Variants in TMEM135 observed in about 807,000 individuals in gnomAD.
TMEM135 encodes transmembrane protein 135, also known as peroxisomal membrane protein 52.
Under a neutral mutation model 60.3 loss-of-function variants are expected in TMEM135, and 30 were observed. The observed-to-expected ratio is 0.50, with a 90% CI of 0.37 to 0.68. The LOEUF (loss-of-function observed/expected upper bound fraction) is 0.68, where lower values mean the gene tolerates loss of function less well. Ranked by LOEUF, TMEM135 falls within the 30% of genes least tolerant of loss-of-function variation. The pLI is 0.00. For missense variants in TMEM135, 468 were observed against 548.8 expected (o/e 0.85, Z 1.47); for synonymous variants, 190 against 186.7 (o/e 1.02, Z -0.14).
chr11:87,270,873 A>C (rs1467913158), intron 6 of TMEM135, among the ~76,000 whole-genome samples: 1 of 152,182 alleles, frequency 6.6e-6, no homozygotes, highest in African/African-American at 2.4e-5. Flanking sequence ...ATAATGCATA[A>C]ATTTAAAAAA....
At chr11:87,278,741 CTA>C (rs1942009435) in intron 6 of TMEM135, among the ~76,000 whole-genome samples, 1 of 152,122 alleles carries the variant, frequency 6.6e-6, no homozygotes, top group Non-Finnish European at 1.5e-5. Flanking sequence ...AGAGTATACT[CTA>C]TGAGTTCTAT....
intron 5 of TMEM135, among the ~76,000 whole-genome samples, chr11:87,180,205 C>T (rs146975012): frequency 1.3e-5 from 2 of 152,112 alleles, no homozygotes; most frequent in East Asian, 3.9e-4. Context: ...GAGGCCGTTC[C>T]CCTGCAATGG....
At chr11:87,120,633 A>G (rs1858031133) in intron 4 of TMEM135, among the ~76,000 whole-genome samples, 1 of 151,518 alleles carries the variant, frequency 6.6e-6, no homozygotes, top group Non-Finnish European at 1.5e-5. Context: ...GTGCCCAGAT[A>G]ATTTTTGTAT....
intron 7 of TMEM135, among the ~76,000 whole-genome samples, chr11:87,297,281 A>G (rs1453810544): frequency 1.3e-5 from 2 of 152,186 alleles, no homozygotes; most frequent in African/African-American, 2.4e-5. Context: ...AGGTGCTATT[A>G]ACAGAAAATC....
intron 5 of TMEM135, among the ~76,000 whole-genome samples, chr11:87,180,472 A>G (rs535514974): frequency 5.9e-4 from 90 of 152,190 alleles, no homozygotes; most frequent in Non-Finnish European, 7.2e-4. Context: ...GGTCTAGGAG[A>G]CAGATAGTGT....
Position 87,038,012 on chromosome 11 carries a change from T to C in TMEM135, c.-34T>C. Reference sequence around the variant, plus strand: ...GCCCCTCCCTGCAGGGCTCAGGCTCTCCCCCTCCTGTCTTCTCCGCGCTGT... The same window carrying C: ...GCCCCTCCCTGCAGGGCTCAGGCTCCCCCCCTCCTGTCTTCTCCGCGCTGT... On this transcript the variant is annotated 5_prime_UTR_variant, in exon 1 of 15. Coordinates refer to ENST00000305494, the MANE Select transcript of TMEM135 (RefSeq NM_022918.4). 6.2e-7 allele frequency: 1 copy of C among 1,612,510 alleles called. No individual in the cohort carries two copies.
At chr11:87,285,874 G>A (rs1343206396) in intron 6 of TMEM135, among the ~76,000 whole-genome samples, 1 of 152,138 alleles carries the variant, frequency 6.6e-6, no homozygotes, top group Non-Finnish European at 1.5e-5. Flanking sequence ...TTTACAGAGA[G>A]CTGATTGGTC....
chr11:87,116,067 C>G (rs182624675), intron 4 of TMEM135, among the ~76,000 whole-genome samples: 1 of 151,990 alleles, frequency 6.6e-6, no homozygotes, highest in East Asian at 1.9e-4. Flanking sequence ...ATTTGTAACT[C>G]TTGAAGAAAA....
chr11:87,043,670 C>T (rs1476661914), intron 1 of TMEM135, among the ~76,000 whole-genome samples: 1 of 151,948 alleles, frequency 6.6e-6, no homozygotes, highest in Non-Finnish European at 1.5e-5. Context: ...TTGTACTGAG[C>T]AGAGATCACG....
intron 7 of TMEM135, among the ~76,000 whole-genome samples, chr11:87,298,771 A>G (rs59587595): frequency 0.17 from 16,985 of 102,028 alleles, 1,382 homozygotes; most frequent in East Asian, 0.3. Flanking sequence ...TGGGTGACAG[A>G]GTGAGACTCT....
intron 4 of TMEM135, among the ~76,000 whole-genome samples, chr11:87,155,610 A>G (rs542678): frequency 0.37 from 55,632 of 151,640 alleles, 10,677 homozygotes; most frequent in East Asian, 0.67. Context: ...GAGGAGATGA[A>G]AGGAAACCTC....
chr11:87,324,425 A>AT lies in TMEM135; in HGVS notation c.*3099dup, dbSNP rs1176045287. ...ATTCCTTAAATTCTCCGTGTGATTT[A>AT]TTTTTTTATTTTTTGAGTTGAGGTC... On this transcript the variant is annotated 3_prime_UTR_variant, in exon 15 of 15. Transcript: ENST00000305494. 1.1e-5 allele frequency: 5 copies of AT among 453,596 alleles called. No individual in the cohort carries two copies. The highest frequency in any genetic ancestry group is 2.2e-5 in the Non-Finnish European group (5 of 226,682). 28.1% of individuals were successfully genotyped at this position (453,596 alleles called of 1,614,324 possible). A position where few individuals can be genotyped will look rare whatever the true frequency, so the allele number is the denominator to read the frequency against.
At chr11:87,087,251 C>T (rs1857115363) in intron 3 of TMEM135, among the ~76,000 whole-genome samples, 1 of 148,858 alleles carries the variant, frequency 6.7e-6, no homozygotes, top group Non-Finnish European at 1.5e-5. Context: ...GACCTGGGTG[C>T]ATGGGGCTTG....
At chr11:87,079,493 C>A (rs1316731373) in intron 3 of TMEM135, among the ~76,000 whole-genome samples, 2 of 151,996 alleles carry the variant, frequency 1.3e-5, no homozygotes, top group Non-Finnish European at 2.9e-5. Context: ...TGTGACCTTG[C>A]TGAATTTATT....
chr11:87,128,885 A>G lies in TMEM135; in HGVS notation c.397-28456A>G, dbSNP rs373508993. On this transcript the variant is annotated intron_variant, in intron 4 of 14. Transcript: ENST00000305494. The stretch of plus-strand genomic sequence containing the variant: ...AGTTGAATGAATAAGTAAATTCTAT[A>G]TTTATGCAATGGAATACTATACAGT... 3.7e-5 allele frequency among the ~76,000 whole-genome samples: 5 copies of G among 135,048 alleles called. No individual in the cohort carries two copies. In the South Asian group the frequency reaches 7.4e-4, roughly 20 times the overall value. 88.6% of individuals were successfully genotyped at this position (135,048 alleles called of 152,430 possible).
At chr11:87,159,098 A>T (rs1938789739) in intron 5 of TMEM135, among the ~76,000 whole-genome samples, 1 of 152,200 alleles carries the variant, frequency 6.6e-6, no homozygotes. Context: ...TAGGCAGGAA[A>T]TAGTTAAAAT....
chr11:87,049,492 C>CA (rs1275022080), intron 1 of TMEM135, among the ~76,000 whole-genome samples: 2 of 121,226 alleles, frequency 1.6e-5, no homozygotes, highest in Admixed American at 8.3e-5. Context: ...AAATGGAAAA[C>CA]AAAAAAAGGC....
intron 1 of TMEM135, among the ~76,000 whole-genome samples, chr11:87,041,156 C>G (rs1487775458): frequency 6.6e-6 from 1 of 152,052 alleles, no homozygotes; most frequent in Non-Finnish European, 1.5e-5. Flanking sequence ...CGTATTTTAT[C>G]TTTTTTAACC....
chr11:87,267,881 G>T (rs866568450), intron 6 of TMEM135, among the ~76,000 whole-genome samples: 1 of 151,940 alleles, frequency 6.6e-6, no homozygotes, highest in African/African-American at 2.4e-5. Flanking sequence ...TAGTAGAGAC[G>T]GGGTTTCACC....
Sources: allele counts gnomAD v4.1 joint callset (sites outside exome capture counted in the v4.1 genomes callset), GRCh38; gene constraint gnomAD v4.1.1; transcripts MANE v1.5; gene names NCBI Gene and HGNC (gene_info 2026-07-23, HGNC 2026-07-21).